The following SNTB1 variants were observed in gnomAD, a reference collection of about 807,000 sequenced individuals.
The protein encoded by SNTB1 is beta-1-syntrophin.
In SNTB1, 36 loss-of-function variants were observed where a neutral mutation model predicts 48.9. That is an observed-to-expected ratio of 0.74 (90% CI 0.56 to 0.97). The LOEUF (loss-of-function observed/expected upper bound fraction) is 0.97, where lower values mean the gene tolerates loss of function less well. Ranked by LOEUF, SNTB1 falls within the 50% of genes least tolerant of loss-of-function variation. The pLI is 0.00. For missense variants in SNTB1, 786 were observed against 703.4 expected (o/e 1.12, Z -1.33); for synonymous variants, 299 against 294.6 (o/e 1.01, Z -0.15).
At chr8:120,542,496 A>T (rs1186616260) in intron 5 of SNTB1, among the ~76,000 whole-genome samples, 2 of 152,142 alleles carry the variant, frequency 1.3e-5, no homozygotes, top group Admixed American at 1.3e-4. Context: ...TCTACTAAAA[A>T]TACAAATATT....
intron 4 of SNTB1, among the ~76,000 whole-genome samples, chr8:120,550,599 A>G (rs1815465672): frequency 6.6e-6 from 1 of 151,594 alleles, no homozygotes; most frequent in African/African-American, 2.4e-5. Flanking sequence ...CATTGAGAGT[A>G]GAGTCTAGGA....
At chr8:120,664,070 G>A (rs927073077) in intron 2 of SNTB1, among the ~76,000 whole-genome samples, 6 of 152,158 alleles carry the variant, frequency 3.9e-5, no homozygotes, top group African/African-American at 1.4e-4. Context: ...TAGTGAGGCG[G>A]ATGGTACCAA....
chr8:120,608,755 T>C (rs940622053), intron 3 of SNTB1, among the ~76,000 whole-genome samples: 3 of 152,080 alleles, frequency 2.0e-5, no homozygotes, highest in African/African-American at 7.2e-5. Context: ...GGAGAACACA[T>C]TTTGGAAGAA....
chr8:120,639,245 T>C (rs1165433933), intron 2 of SNTB1, among the ~76,000 whole-genome samples: 3 of 152,244 alleles, frequency 2.0e-5, no homozygotes, highest in Non-Finnish European at 4.4e-5. Flanking sequence ...GGTTGTTTTT[T>C]TCTTGTAAAT....
chr8:120,724,321 C>T (rs756930066), intron 1 of SNTB1, among the ~76,000 whole-genome samples: 1 of 152,222 alleles, frequency 6.6e-6, no homozygotes, highest in Non-Finnish European at 1.5e-5. Flanking sequence ...CCATTACATG[C>T]CTTCAGTGCT....
At chr8:120,654,071 A>AAAAAAAAAAAAAAAAAAAAAAAAT (rs1817457552) in intron 2 of SNTB1, among the ~76,000 whole-genome samples, 3 of 144,014 alleles carry the variant, frequency 2.1e-5, no homozygotes, top group Admixed American at 7.1e-5. Context: ...AAAAAAAAAA[A>AAAAAAAAAAAAAAAAAAAAAAAAT]GTTGTCTTCT....
rs1313904184 is a variant in SNTB1, at chr8:120,751,521, G to C, written c.572-57613C>G. ...TGTCCCCATGATCATTTCTGCACCT[G>C]CTATGGTGACAATATTGTTATTGGC... On this transcript the variant is annotated intron_variant, in intron 1 of 6. Coordinates refer to ENST00000517992, the MANE Select transcript of SNTB1 (RefSeq NM_021021.4). Among the ~76,000 whole-genome samples the C allele has an allele frequency of 5.3e-5, 8 of 152,028 alleles. 1 individual carries two copies.
intron 4 of SNTB1, among the ~76,000 whole-genome samples, chr8:120,569,206 C>T (rs1815803688): frequency 6.6e-6 from 1 of 152,212 alleles, no homozygotes; most frequent in Non-Finnish European, 1.5e-5. Context: ...CCTCGAACCC[C>T]TGACTTCAGG....
At chr8:120,686,740 T>A (rs1326513103) in intron 2 of SNTB1, among the ~76,000 whole-genome samples, 1 of 152,210 alleles carries the variant, frequency 6.6e-6, no homozygotes, top group African/African-American at 2.4e-5. Flanking sequence ...ACTCTAGAGT[T>A]TTATTCACTG....
At chr8:120,768,005 T>TA (rs1318283180) in intron 1 of SNTB1, among the ~76,000 whole-genome samples, 4 of 152,266 alleles carry the variant, frequency 2.6e-5, no homozygotes, top group African/African-American at 9.6e-5. Context: ...CAAGCAACAA[T>TA]ATCTTTCTGT....
At chr8:120,569,139 C>T (rs1298910007) in intron 4 of SNTB1, among the ~76,000 whole-genome samples, 1 of 152,144 alleles carries the variant, frequency 6.6e-6, no homozygotes, top group Non-Finnish European at 1.5e-5. Context: ...CACCACCATG[C>T]CTGGCTAATT....
chr8:120,750,513 C>G (rs1012833619), intron 1 of SNTB1, among the ~76,000 whole-genome samples: 11 of 152,108 alleles, frequency 7.2e-5, no homozygotes, highest in African/African-American at 2.7e-4. Flanking sequence ...TTCACTGTCT[C>G]TTAAATCGCT....
chr8:120,546,765 G>A (rs1295002923), intron 5 of SNTB1, among the ~76,000 whole-genome samples: 7 of 151,858 alleles, frequency 4.6e-5, no homozygotes, highest in African/African-American at 1.2e-4. Context: ...CCACCACACC[G>A]GGTTTCCAGT....
intron 1 of SNTB1, among the ~76,000 whole-genome samples, chr8:120,733,464 G>A (rs1017502071): frequency 2.6e-5 from 4 of 152,256 alleles, no homozygotes; most frequent in African/African-American, 4.8e-5. Flanking sequence ...CCAAGCAATA[G>A]ATCTTTTCCA....
chr8:120,601,721 A>G (rs1475536211), intron 3 of SNTB1, among the ~76,000 whole-genome samples: 1 of 152,194 alleles, frequency 6.6e-6, no homozygotes, highest in Non-Finnish European at 1.5e-5. Context: ...TGAAGCTGCC[A>G]TGCCAAAACA....
intron 4 of SNTB1, chr8:120,571,267 T>C: frequency 7.8e-7 from 1 of 1,284,236 alleles, no homozygotes; most frequent in South Asian, 1.3e-5. Flanking sequence ...CCAACTTTGC[T>C]TCTTAGTAAC....
intron 2 of SNTB1, among the ~76,000 whole-genome samples, chr8:120,662,188 T>C (rs1817599556): frequency 6.6e-6 from 1 of 152,194 alleles, no homozygotes; most frequent in Non-Finnish European, 1.5e-5. Context: ...ACCCACAAAA[T>C]TGCTATTTAA....
chr8:120,638,679 A>T (rs536476132), intron 2 of SNTB1, among the ~76,000 whole-genome samples: 4 of 152,204 alleles, frequency 2.6e-5, no homozygotes, highest in African/African-American at 9.6e-5. Flanking sequence ...TCCTTGTGAT[A>T]GTTTGCTGAG....
chr8:120,568,362 A>AT (rs903737335), intron 4 of SNTB1, among the ~76,000 whole-genome samples: 2 of 152,092 alleles, frequency 1.3e-5, no homozygotes, highest in Admixed American at 6.5e-5. Context: ...GGCAGGGGAC[A>AT]TTTTTTTCCC....
Sources: gnomAD v4.1 joint callset for allele counts (sites outside exome capture counted in the v4.1 genomes callset) on GRCh38, gnomAD v4.1.1 for gene constraint, MANE v1.5 for transcripts, NCBI Gene and HGNC (gene_info 2026-07-23, HGNC 2026-07-21) for gene names.